Variants in FARS2 observed in about 807,000 individuals in gnomAD.
FARS2 encodes the protein phenylalanyl-tRNA synthetase 2, mitochondrial.
In FARS2, 40 loss-of-function variants were observed where a neutral mutation model predicts 46.4. The observed-to-expected ratio is 0.86, with a 90% CI of 0.67 to 1.12. The LOEUF is 1.12. Among genes scored for constraint, FARS2 ranks in the 50% most tolerant of loss-of-function variants. FARS2 has a pLI of 0.00. For synonymous variants in FARS2, 234 were observed against 214.9 expected, an observed-to-expected ratio of 1.09 and a Z score of -0.78; for missense variants, 513 against 567.9, an observed-to-expected ratio of 0.90 and a Z score of 0.98.
intron 2 of FARS2, among the ~76,000 whole-genome samples, chr6:5,379,174 G>A (rs970651184): frequency 3.3e-5 from 5 of 152,106 alleles, no homozygotes; most frequent in African/African-American, 9.7e-5. Flanking sequence ...CTCTTTTTGT[G>A]CCTGATCTTT....
intron 2 of FARS2, among the ~76,000 whole-genome samples, chr6:5,369,760 A>G (rs757942807): frequency 5.3e-5 from 8 of 152,100 alleles, no homozygotes; most frequent in Non-Finnish European, 8.8e-5. Context: ...TTCTTGAAGC[A>G]TGTGTTAGGA....
intron 4 of FARS2, among the ~76,000 whole-genome samples, chr6:5,509,313 G>T (rs1226459024): frequency 6.6e-6 from 1 of 152,232 alleles, no homozygotes; most frequent in Non-Finnish European, 1.5e-5. Context: ...GTGACACTGG[G>T]TTTGCGTATG....
intron 3 of FARS2, among the ~76,000 whole-genome samples, chr6:5,407,121 A>C (rs1446359591): frequency 6.8e-6 from 1 of 147,938 alleles, no homozygotes; most frequent in African/African-American, 2.5e-5. Context: ...TCAGGGAAAA[A>C]CAAAACCACA....
chr6:5,556,916 T>C (rs10484312), intron 5 of FARS2, among the ~76,000 whole-genome samples: 79,098 of 151,936 alleles, frequency 0.52, 22,075 homozygotes, highest in Middle Eastern at 0.64. Context: ...TGTAATATAT[T>C]TTAGGAATCA....
chr6:5,366,332 G>A (rs1758675409), intron 1 of FARS2, among the ~76,000 whole-genome samples: 1 of 152,150 alleles, frequency 6.6e-6, no homozygotes, highest in South Asian at 2.1e-4. Context: ...ATCCTCCTGG[G>A]TCTCTTATGT....
intron 1 of FARS2, among the ~76,000 whole-genome samples, chr6:5,337,202 A>ATATG (rs1554165107): frequency 6.6e-6 from 1 of 151,498 alleles, no homozygotes; most frequent in Non-Finnish European, 1.5e-5. Context: ...ATATATATAT[A>ATATG]TGGAGAGTGA....
At chr6:5,413,309 T>A (rs1296874947) in intron 3 of FARS2, among the ~76,000 whole-genome samples, 1 of 152,206 alleles carries the variant, frequency 6.6e-6, no homozygotes, top group Non-Finnish European at 1.5e-5. Context: ...TGGGGTTTTA[T>A]GTTAATTAAA....
At chr6:5,550,734 T>C (rs1164790815) in intron 5 of FARS2, among the ~76,000 whole-genome samples, 3 of 152,210 alleles carry the variant, frequency 2.0e-5, no homozygotes, top group African/African-American at 7.2e-5. Flanking sequence ...TAAATCATTC[T>C]CAAAAACCTT....
chr6:5,563,086 GGA>G (rs1491137687), intron 5 of FARS2, among the ~76,000 whole-genome samples: 21 of 138,710 alleles, frequency 1.5e-4, no homozygotes, highest in East Asian at 2.7e-4. Context: ...AGAGACAGAG[GGA>G]GGGGGGCTCC....
At chr6:5,575,507 G>T (rs1582485125) in intron 5 of FARS2, among the ~76,000 whole-genome samples, 1 of 152,250 alleles carries the variant, frequency 6.6e-6, no homozygotes. Flanking sequence ...CTAAGATCAA[G>T]AACTTTTTCT....
chr6:5,626,914 A>G (rs527684704), intron 6 of FARS2, among the ~76,000 whole-genome samples: 4 of 152,334 alleles, frequency 2.6e-5, no homozygotes, highest in Admixed American at 1.3e-4. Flanking sequence ...AGTGTAGCCT[A>G]TTGCTTCTAG....
intron 4 of FARS2, among the ~76,000 whole-genome samples, chr6:5,509,274 C>T (rs916905741): frequency 6.6e-6 from 1 of 152,248 alleles, no homozygotes; most frequent in African/African-American, 2.4e-5. Flanking sequence ...GGTTCTCCTG[C>T]CCAGCATTCC....
intron 5 of FARS2, among the ~76,000 whole-genome samples, chr6:5,564,882 G>T (rs1772235039): frequency 6.6e-6 from 1 of 152,184 alleles, no homozygotes; most frequent in Non-Finnish European, 1.5e-5. Flanking sequence ...ATCCTGTGCG[G>T]GGACTGTGCA....
chr6:5,723,975 G>GCTGGGGTGGCCACA (rs144307868), intron 6 of FARS2, among the ~76,000 whole-genome samples: 45,248 of 151,898 alleles, frequency 0.3, 7,663 homozygotes, highest in Non-Finnish European at 0.4. Flanking sequence ...CGGTGGCCAC[G>GCTGGGGTGGCCACA]CTGGGCTGTC....
chr6:5,432,538 T>TTC (rs1289173326), intron 4 of FARS2, among the ~76,000 whole-genome samples: 2 of 138,312 alleles, frequency 1.4e-5, no homozygotes, highest in Non-Finnish European at 3.0e-5. Flanking sequence ...TTTTTTTTTT[T>TTC]CAGAGTATAA....
Position 5,545,173 on chromosome 6 carries a change from A to G in FARS2, c.905-7A>G, listed in dbSNP as rs756389986. 6.2e-7 allele frequency: 1 copy of G among 1,613,692 alleles called. No homozygotes were observed. The highest frequency in any genetic ancestry group is 1.1e-5 in the South Asian group (1 of 91,026). ...TTAAAAACAACTATTTTGTTTCCTA[A>G]TCACAGCTGGTGCTCAAGACCGAAT... On this transcript the variant is annotated splice_polypyrimidine_tract_variant and splice_region_variant and intron_variant, in intron 4 of 6. Coordinates refer to ENST00000274680, the MANE Select transcript of FARS2 (RefSeq NM_006567.5).
chr6:5,627,109 A>C (rs1400532706), intron 6 of FARS2, among the ~76,000 whole-genome samples: 1 of 152,248 alleles, frequency 6.6e-6, no homozygotes, highest in African/African-American at 2.4e-5. Flanking sequence ...ACTGATGATA[A>C]TGTCACTGGG....
At chr6:5,714,444 C>T (rs375391665) in intron 6 of FARS2, among the ~76,000 whole-genome samples, 1 of 152,152 alleles carries the variant, frequency 6.6e-6, no homozygotes, top group East Asian at 1.9e-4. Context: ...CCCTCTAGCA[C>T]AGAGTCCATG....
At chr6:5,550,668 C>G (rs1378605905) in intron 5 of FARS2, among the ~76,000 whole-genome samples, 1 of 152,152 alleles carries the variant, frequency 6.6e-6, no homozygotes, top group Non-Finnish European at 1.5e-5. Context: ...TTCTTTCTTT[C>G]CTTCTCTTTT....
Sources: allele counts gnomAD v4.1 joint callset (sites outside exome capture counted in the v4.1 genomes callset), GRCh38; gene constraint gnomAD v4.1.1; transcripts MANE v1.5; gene names NCBI Gene and HGNC (gene_info 2026-07-23, HGNC 2026-07-21).